Variants in MARCHF1 observed in about 807,000 individuals in gnomAD.
MARCHF1 encodes membrane associated ring-CH-type finger 1.
MARCHF1 carries 40 observed loss-of-function variants against 54.2 expected under a neutral mutation model. That is an observed-to-expected ratio of 0.74 (90% CI 0.57 to 0.96). The LOEUF is 0.96. MARCHF1 is among the 40% of genes least tolerant of loss of function. The pLI is 0.00. For missense variants in MARCHF1, 586 were observed against 656.5 expected (o/e 0.89, Z 1.17); for synonymous variants, 236 against 236.3 (o/e 1.00, Z 0.01).
intron 1 of MARCHF1, among the ~76,000 whole-genome samples, chr4:164,326,604 T>C (rs1183946314): frequency 1.3e-5 from 2 of 152,210 alleles, no homozygotes; most frequent in African/African-American, 2.4e-5. Context: ...AAAGTCACTA[T>C]AGGGAGCAAG....
intron 1 of MARCHF1, chr4:164,196,855 C>A: frequency 2.1e-6 from 2 of 942,280 alleles, no homozygotes; most frequent in Non-Finnish European, 3.3e-6. Flanking sequence ...CGTCTCATTC[C>A]CACAGCAATG....
intron 7 of MARCHF1, among the ~76,000 whole-genome samples, chr4:163,606,771 C>A (rs1741157949): frequency 6.6e-6 from 1 of 151,924 alleles, no homozygotes; most frequent in African/African-American, 2.4e-5. Context: ...TTTCCCAATT[C>A]ATAAGATTTG....
chr4:163,974,405 G>A (rs1752609226), intron 3 of MARCHF1, among the ~76,000 whole-genome samples: 1 of 152,156 alleles, frequency 6.6e-6, no homozygotes. Flanking sequence ...TGTTTCAGTT[G>A]GCAGTCCTAC....
At chr4:163,727,263 A>G (rs906410011) in intron 4 of MARCHF1, among the ~76,000 whole-genome samples, 5 of 151,948 alleles carry the variant, frequency 3.3e-5, no homozygotes, top group African/African-American at 1.2e-4. Context: ...CATTTTGAAT[A>G]AATTTTCATG....
rs62350483 is a variant in MARCHF1 at position 164,370,285 on chromosome 4, A to G, written c.-323+13585T>C. Among the ~76,000 whole-genome samples the G allele has an allele frequency of 6.9e-3, 1,052 of 152,320 alleles. 8 individuals carry two copies. Among genetic ancestry groups the G allele is most frequent in the South Asian group, 0.035 (170 of 4,830 alleles). On this transcript the variant is annotated intron_variant, in intron 1 of 9. Transcript: ENST00000514618. Reference sequence around the variant, plus strand: ...GAAAGTAGTTATCTCTACCACCCCTACTACAACCACCACAACCTCTCAGGC... The same window carrying G: ...GAAAGTAGTTATCTCTACCACCCCTGCTACAACCACCACAACCTCTCAGGC...
At chr4:163,793,949 C>G (rs1747841396) in intron 4 of MARCHF1, among the ~76,000 whole-genome samples, 1 of 152,122 alleles carries the variant, frequency 6.6e-6, no homozygotes, top group Non-Finnish European at 1.5e-5. Flanking sequence ...GAATAAAGCC[C>G]TTCCTTCTTT....
chr4:163,745,232 C>T (rs1746322920), intron 4 of MARCHF1, among the ~76,000 whole-genome samples: 2 of 150,930 alleles, frequency 1.3e-5, no homozygotes, highest in African/African-American at 4.8e-5. Context: ...CTGCTTCAGC[C>T]CCCCGAGTAG....
intron 4 of MARCHF1, among the ~76,000 whole-genome samples, chr4:163,750,190 T>C (rs1746479780): frequency 6.6e-6 from 1 of 152,080 alleles, no homozygotes; most frequent in Non-Finnish European, 1.5e-5. Context: ...AAACACTTTG[T>C]AACCATCAGA....
chr4:163,931,741 A>G lies in MARCHF1; in HGVS notation c.-39+56760T>C, dbSNP rs1382707535. Among the ~76,000 whole-genome samples, 5 of 152,198 alleles carry G rather than the reference A, an allele frequency of 3.3e-5. No individual in the cohort carries two copies. In the East Asian group the frequency reaches 9.6e-4, roughly 29 times the overall value. ...TCCAATCAGTTGAAGGCTTAAATAC[A>G]CCAATGACAGATGTTTCCTGAAAAA... On this transcript the variant is annotated intron_variant, in intron 3 of 9. Coordinates refer to ENST00000514618, the MANE Select transcript of MARCHF1 (RefSeq NM_001394959.1).
chr4:163,877,443 C>T (rs1383292912), intron 3 of MARCHF1, among the ~76,000 whole-genome samples: 4 of 150,136 alleles, frequency 2.7e-5, no homozygotes, highest in Non-Finnish European at 4.4e-5. Context: ...AATTAGTTTG[C>T]ACTTGGGTGT....
At chr4:164,155,794 G>T (rs1251580596) in intron 1 of MARCHF1, among the ~76,000 whole-genome samples, 2 of 152,040 alleles carry the variant, frequency 1.3e-5, no homozygotes, top group South Asian at 2.1e-4. Context: ...AACTGAACTT[G>T]TACCCCTTAA....
chr4:163,937,625 G>A (rs935864119), intron 3 of MARCHF1, among the ~76,000 whole-genome samples: 1 of 151,950 alleles, frequency 6.6e-6, no homozygotes, highest in Non-Finnish European at 1.5e-5. Context: ...TAATCTTTTT[G>A]GTTTGCTGAC....
intron 2 of MARCHF1, among the ~76,000 whole-genome samples, chr4:164,101,102 G>C (rs946917089): frequency 6.6e-6 from 1 of 152,216 alleles, no homozygotes; most frequent in East Asian, 1.9e-4. Flanking sequence ...CACCTGGCTC[G>C]GAGGGTCCTA....
In MARCHF1 at chr4:163,986,267, T is replaced by TC. The variant is rs1264204458; in HGVS notation, c.-39+2233_-39+2234insG. Among the ~76,000 whole-genome samples, 69 of 78,244 alleles carry TC rather than the reference T, an allele frequency of 8.8e-4. 3 individuals are homozygous for TC. The highest frequency in any genetic ancestry group is 2.5e-3 in the African/African-American group (64 of 25,250). 51.3% of individuals were successfully genotyped at this position (78,244 alleles called of 152,430 possible). ...ACCTCTTCTTTTTTTTTTTTTTTTT[T>TC]TTTTTTTTTTTTTGAGATGGAGTGT... On this transcript the variant is annotated intron_variant, in intron 3 of 9. Transcript: ENST00000514618.
At chr4:164,242,450 A>T (rs1423781577) in intron 1 of MARCHF1, among the ~76,000 whole-genome samples, 37 of 146,098 alleles carry the variant, frequency 2.5e-4, no homozygotes, top group African/African-American at 9.4e-4. Flanking sequence ...ACAAACAGAA[A>T]GGACATCCAC....
chr4:164,162,269 TAGAA>T (rs10566784), intron 1 of MARCHF1, among the ~76,000 whole-genome samples: 6,890 of 152,136 alleles, frequency 0.045, 212 homozygotes, highest in Middle Eastern at 0.15. Flanking sequence ...ATTACAACTA[TAGAA>T]AGAAATTCTG....
chr4:164,106,954 CAGA>C (rs1041797289), intron 2 of MARCHF1, among the ~76,000 whole-genome samples: 1 of 152,018 alleles, frequency 6.6e-6, no homozygotes, highest in Admixed American at 6.6e-5. Flanking sequence ...CAACCATATG[CAGA>C]AGATCTTTGC....
intron 7 of MARCHF1, among the ~76,000 whole-genome samples, chr4:163,596,831 T>C (rs1374213669): frequency 1.3e-5 from 2 of 152,210 alleles, no homozygotes; most frequent in South Asian, 2.1e-4. Context: ...GCAAAAAGAA[T>C]TGTAGTTTTG....
intron 2 of MARCHF1, among the ~76,000 whole-genome samples, chr4:164,101,832 T>A (rs1229585638): frequency 1.3e-5 from 2 of 151,492 alleles, no homozygotes; most frequent in African/African-American, 4.8e-5. Context: ...GGGAGGACAT[T>A]CAAACCAAAG....
Sources: allele counts gnomAD v4.1 joint callset (sites outside exome capture counted in the v4.1 genomes callset), GRCh38; gene constraint gnomAD v4.1.1; transcripts MANE v1.5; gene names NCBI Gene and HGNC (gene_info 2026-07-23, HGNC 2026-07-21).